CACNA2D1: variants seen among roughly 807,000 people sequenced by gnomAD.
CACNA2D1 encodes calcium voltage-gated channel auxiliary subunit alpha2delta 1, also known as voltage-dependent calcium channel subunit alpha-2/delta-1.
CACNA2D1 carries 53 observed loss-of-function variants against 171.5 expected under a neutral mutation model. The ratio of observed to expected loss-of-function variants is 0.31; its 90% CI spans 0.25 to 0.39. The LOEUF (loss-of-function observed/expected upper bound fraction) is 0.39. CACNA2D1 is among the 10% of genes least tolerant of loss of function. CACNA2D1 has a pLI of 1.00. For synonymous variants in CACNA2D1, 442 were observed against 443.1 expected, an observed-to-expected ratio of 1.00 and a Z score of 0.03; for missense variants, 903 against 1,299.8, an observed-to-expected ratio of 0.69 and a Z score of 4.69.
chr7:82,096,510 G>T (rs962516821), intron 6 of CACNA2D1, among the ~76,000 whole-genome samples: 2 of 151,686 alleles, frequency 1.3e-5, no homozygotes, highest in African/African-American at 2.4e-5. Flanking sequence ...CCTCTCTGAA[G>T]AACTGTATTT....
chr7:81,992,956 A>C (rs1269514983), intron 20 of CACNA2D1, among the ~76,000 whole-genome samples: 2 of 152,216 alleles, frequency 1.3e-5, no homozygotes, highest in African/African-American at 4.8e-5. Flanking sequence ...TAATAAATAC[A>C]AACTATTTTC....
chr7:81,970,286 A>G (rs975799436), intron 27 of CACNA2D1, among the ~76,000 whole-genome samples: 1 of 151,466 alleles, frequency 6.6e-6, no homozygotes, highest in African/African-American at 2.4e-5. Flanking sequence ...AGCCTACTTC[A>G]TGGACTGTTA....
At chr7:82,088,561 A>G (rs1301195497) in intron 6 of CACNA2D1, among the ~76,000 whole-genome samples, 2 of 152,108 alleles carry the variant, frequency 1.3e-5, no homozygotes, top group Admixed American at 6.5e-5. Context: ...TTTGAATGTC[A>G]AAGATTTTAT....
At chr7:82,280,104 AAAG>A (rs3839793) in intron 3 of CACNA2D1, among the ~76,000 whole-genome samples, 2 of 152,206 alleles carry the variant, frequency 1.3e-5, no homozygotes, top group East Asian at 1.9e-4. Context: ...TGTGAATCAA[AAAG>A]AAGGACTAAA....
At chr7:82,005,883 A>T (rs1387266220) in intron 16 of CACNA2D1, 44 bp from the exon 17 acceptor site, 1 of 1,063,968 alleles carries the variant, frequency 9.4e-7, no homozygotes, top group Non-Finnish European at 1.5e-6. Flanking sequence ...TCAAAAATTT[A>T]CGTATTTTTA....
chr7:82,321,548 G>A (rs555527044), intron 3 of CACNA2D1, among the ~76,000 whole-genome samples: 1 of 152,076 alleles, frequency 6.6e-6, no homozygotes, highest in Admixed American at 6.6e-5. Flanking sequence ...TCCTCATAAG[G>A]TTATTCTGAA....
chr7:82,058,910 G>A (rs996604715), intron 10 of CACNA2D1, among the ~76,000 whole-genome samples: 1 of 152,042 alleles, frequency 6.6e-6, no homozygotes, highest in Non-Finnish European at 1.5e-5. Context: ...TGCCTTATAG[G>A]TATCGTGTTT....
intron 6 of CACNA2D1, among the ~76,000 whole-genome samples, chr7:82,114,751 G>A (rs1788838217): frequency 7.8e-6 from 1 of 127,564 alleles, no homozygotes; most frequent in Admixed American, 8.2e-5. Flanking sequence ...GTGAGACTCC[G>A]TCCCAGAAGA....
Position 82,155,674 on chromosome 7 carries a change from A to G in CACNA2D1, c.354+14876T>C, listed in dbSNP as rs141797229. 1.5e-4 allele frequency among the ~76,000 whole-genome samples: 23 copies of G among 152,298 alleles called. No homozygotes were observed. In the East Asian group the frequency reaches 3.9e-3, roughly 26 times the overall value. ...GTTCATCAAAGCTAGATTTGACTCTAAAGTGGTCTCTGCTTCCGCAAATCT... is the reference window on the plus strand; with the variant it reads ...GTTCATCAAAGCTAGATTTGACTCTGAAGTGGTCTCTGCTTCCGCAAATCT... On this transcript the variant is annotated intron_variant, in intron 4 of 38. Transcript: ENST00000356860.
chr7:82,066,406 A>G (rs200344476), intron 8 of CACNA2D1, 49 bp downstream of exon 8: 4 of 1,605,414 alleles, frequency 2.5e-6, no homozygotes, highest in African/African-American at 2.7e-5. Context: ...TAGCAAATAT[A>G]TATCTTCTTG....
chr7:81,997,664 T>TA (rs34518880), intron 18 of CACNA2D1, among the ~76,000 whole-genome samples: 2,629 of 139,914 alleles, frequency 0.019, 37 homozygotes, highest in African/African-American at 0.045. Context: ...TTAAAATTTG[T>TA]AAAAAAAAAA....
chr7:82,110,398 C>T (rs1460608431), intron 6 of CACNA2D1, among the ~76,000 whole-genome samples: 1 of 152,170 alleles, frequency 6.6e-6, no homozygotes, highest in East Asian at 1.9e-4. Context: ...TGAGGACACA[C>T]TGAGAAGACC....
At chr7:82,149,796 A>AAAAAAGAAAAG (rs1793594714) in intron 4 of CACNA2D1, among the ~76,000 whole-genome samples, 1 of 136,774 alleles carries the variant, frequency 7.3e-6, no homozygotes, top group Non-Finnish European at 1.6e-5. Context: ...ACAAACAACA[A>AAAAAAGAAAAG]AAAAAAAAAC....
chr7:82,136,537 T>C (rs1791630539), intron 5 of CACNA2D1, 98 bp downstream of exon 5: 3 of 827,896 alleles, frequency 3.6e-6, no homozygotes, highest in African/African-American at 3.8e-5. Context: ...TCTAACATTG[T>C]CTTAAAAACT....
intron 18 of CACNA2D1, among the ~76,000 whole-genome samples, chr7:82,003,905 C>G (rs1194882527): frequency 6.6e-6 from 1 of 151,962 alleles, no homozygotes; most frequent in Non-Finnish European, 1.5e-5. Flanking sequence ...GCCACCACAC[C>G]CGGCTAATTT....
chr7:82,010,375 CT>C (rs747804456), intron 15 of CACNA2D1, among the ~76,000 whole-genome samples: 3,886 of 138,178 alleles, frequency 0.028, 80 homozygotes, highest in African/African-American at 0.07. Context: ...TCACGTGTTC[CT>C]TTTTTTTTTT....
intron 12 of CACNA2D1, among the ~76,000 whole-genome samples, chr7:82,016,606 GC>G (rs1562873837): frequency 4.5e-5 from 4 of 89,174 alleles, no homozygotes; most frequent in African/African-American, 1.0e-4. Context: ...AACACTAGCC[GC>G]CCGCCCCCCC....
Position 82,145,852 on chromosome 7 carries a change from A to G in CACNA2D1, c.355-9176T>C, listed in dbSNP as rs563301044. Among the ~76,000 whole-genome samples, 14 of 151,230 alleles carry G rather than the reference A, an allele frequency of 9.3e-5. No individual in the cohort carries two copies. The South Asian group carries it at 2.9e-3, about 32-fold the overall frequency. On this transcript the variant is annotated intron_variant, in intron 4 of 38. Coordinates refer to ENST00000356860, the MANE Select transcript of CACNA2D1 (RefSeq NM_000722.4). Reference sequence around the variant, plus strand: ...GTCTTATAATCTACATTAAAATATAAATTTAAAATTATTATTAATTTATTT... The same window carrying G: ...GTCTTATAATCTACATTAAAATATAGATTTAAAATTATTATTAATTTATTT...
At chr7:82,144,048 C>A (rs2129092975) in intron 4 of CACNA2D1, among the ~76,000 whole-genome samples, 1 of 152,164 alleles carries the variant, frequency 6.6e-6, no homozygotes, top group South Asian at 2.1e-4. Context: ...TAAATATATT[C>A]AAAAACTGTA....
Sources: gnomAD v4.1 joint callset for allele counts (sites outside exome capture counted in the v4.1 genomes callset) on GRCh38, gnomAD v4.1.1 for gene constraint, MANE v1.5 for transcripts, NCBI Gene and HGNC (gene_info 2026-07-23, HGNC 2026-07-21) for gene names.